The following RIMS2 variants were observed in gnomAD, a reference collection of about 807,000 sequenced individuals.
RIMS2 encodes regulating synaptic membrane exocytosis protein 2.
A neutral mutation model predicts 174.4 loss-of-function variants in RIMS2; 59 were observed. The observed-to-expected ratio is 0.34, with a 90% CI of 0.27 to 0.42. The LOEUF is 0.42. Ranked by LOEUF, RIMS2 falls within the 10% of genes least tolerant of loss-of-function variation. The probability of loss-of-function intolerance (pLI) is 1.00; values close to 1 mark genes in which losing one functional copy is unlikely to be tolerated. For missense variants in RIMS2, 1,620 were observed against 1,666.3 expected (o/e 0.97, Z 0.48); for synonymous variants, 606 against 572.5 (o/e 1.06, Z -0.84).
At chr8:104,207,908 C>T (rs2099088137) in intron 19 of RIMS2, among the ~76,000 whole-genome samples, 1 of 151,126 alleles carries the variant, frequency 6.6e-6, no homozygotes, top group South Asian at 2.1e-4. Context: ...GACACAGGTT[C>T]TTCATGGATG....
At chr8:103,743,121 T>C (rs1458352505) in intron 2 of RIMS2, among the ~76,000 whole-genome samples, 1 of 152,202 alleles carries the variant, frequency 6.6e-6, no homozygotes, top group East Asian at 1.9e-4. Context: ...GCATCACTAA[T>C]GTTCTCTGGA....
chr8:103,792,637 GT>G (rs57893772), intron 3 of RIMS2, among the ~76,000 whole-genome samples: 31,114 of 137,386 alleles, frequency 0.23, 3,643 homozygotes, highest in Non-Finnish European at 0.25. Context: ...CCAGGAGCTG[GT>G]TTTTTTTTTT....
chr8:103,924,348 T>A (rs1381367012), intron 10 of RIMS2, among the ~76,000 whole-genome samples: 2 of 151,676 alleles, frequency 1.3e-5, no homozygotes, highest in African/African-American at 2.4e-5. Context: ...ATTTATGAAT[T>A]TTATTCTTAT....
At chr8:103,678,788 A>G (rs2096845006) in intron 1 of RIMS2, among the ~76,000 whole-genome samples, 1 of 152,158 alleles carries the variant, frequency 6.6e-6, no homozygotes, top group Non-Finnish European at 1.5e-5. Context: ...AGTCAATTCA[A>G]TTGAAATACC....
At chr8:103,539,738 G>A (rs1226246498) in intron 1 of RIMS2, among the ~76,000 whole-genome samples, 1 of 152,080 alleles carries the variant, frequency 6.6e-6, no homozygotes, top group Non-Finnish European at 1.5e-5. Flanking sequence ...AGTTGCTTCA[G>A]AAAAGGAAAT....
In RIMS2 at chr8:103,592,995, T is replaced by A. The variant is rs376296276; in HGVS notation, c.176+91933T>A. 4.2e-3 allele frequency among the ~76,000 whole-genome samples: 641 copies of A among 151,442 alleles called. 4 individuals are homozygous for A. The highest frequency in any genetic ancestry group is 0.015 in the African/African-American group (612 of 41,480). ...GAGCCAAAGTAGTTGCTTTTTTTCATGGGACTCAATTTTTATTTGAAAGAA... is the reference window on the plus strand; with the variant it reads ...GAGCCAAAGTAGTTGCTTTTTTTCAAGGGACTCAATTTTTATTTGAAAGAA... On this transcript the variant is annotated intron_variant, in intron 1 of 23. Transcript: ENST00000504942.
At position 103,754,622 on chromosome 8, in the gene RIMS2, G is replaced by GTA. The variant is rs530344104; in HGVS notation, c.388-11595_388-11594dup. ...ATGAATCTGGGTGATCCTGTATTGAGTATATATATATTTAGGATAGTTAGC... is the reference window on the plus strand; with the variant it reads ...ATGAATCTGGGTGATCCTGTATTGAGTATATATATATATTTAGGATAGTTAGC... On this transcript the variant is annotated intron_variant, in intron 2 of 23. Coordinates refer to ENST00000504942, the Ensembl canonical transcript of RIMS2. 1.8e-3 allele frequency among the ~76,000 whole-genome samples: 270 copies of GTA among 152,206 alleles called. 1 individual carries two copies. The highest frequency in any genetic ancestry group is 6.1e-3 in the African/African-American group (252 of 41,530).
intron 1 of RIMS2, among the ~76,000 whole-genome samples, chr8:103,558,081 G>C (rs2090845760): frequency 6.6e-6 from 1 of 151,648 alleles, no homozygotes; most frequent in Non-Finnish European, 1.5e-5. Flanking sequence ...TTTTTAACAA[G>C]TCAGCAAACT....
At chr8:104,138,893 A>T (rs1053101270) in intron 19 of RIMS2, among the ~76,000 whole-genome samples, 2 of 152,138 alleles carry the variant, frequency 1.3e-5, no homozygotes, top group African/African-American at 2.4e-5. Flanking sequence ...TAGTTTCATA[A>T]TTTGAGGTCT....
chr8:103,624,735 TATTA>T (rs1281036417), intron 1 of RIMS2, among the ~76,000 whole-genome samples: 3 of 152,216 alleles, frequency 2.0e-5, no homozygotes, highest in Non-Finnish European at 4.4e-5. Flanking sequence ...TATTTACAAA[TATTA>T]ATTCATTTAA....
intron 19 of RIMS2, among the ~76,000 whole-genome samples, chr8:104,057,333 G>T (rs1471532766): frequency 6.6e-6 from 1 of 151,898 alleles, no homozygotes; most frequent in Non-Finnish European, 1.5e-5. Flanking sequence ...CTCTCAAAGT[G>T]CTGTGATTAC....
At chr8:104,195,909 G>A (rs1054115286) in intron 19 of RIMS2, among the ~76,000 whole-genome samples, 6 of 151,964 alleles carry the variant, frequency 3.9e-5, no homozygotes, top group Non-Finnish European at 8.8e-5. Flanking sequence ...TTTAATATAA[G>A]TTTTATATAA....
At chr8:103,568,957 CT>C in intron 1 of RIMS2, 1 of 692,764 alleles carries the variant, frequency 1.4e-6, no homozygotes. Context: ...TTCATGGTGT[CT>C]TACAGCTGCA....
chr8:103,548,096 G>T (rs796325751), intron 1 of RIMS2, among the ~76,000 whole-genome samples: 23 of 152,196 alleles, frequency 1.5e-4, no homozygotes, highest in African/African-American at 5.1e-4. Context: ...AGAAGATCTG[G>T]TACAATTTCT....
chr8:103,703,918 T>G (rs1168845382), intron 2 of RIMS2, among the ~76,000 whole-genome samples: 2 of 152,038 alleles, frequency 1.3e-5, no homozygotes, highest in African/African-American at 4.8e-5. Context: ...CATAAGACTG[T>G]GTTATCTGTG....
At chr8:104,078,241 C>T (rs1028586112) in intron 19 of RIMS2, among the ~76,000 whole-genome samples, 3 of 150,378 alleles carry the variant, frequency 2.0e-5, no homozygotes, top group African/African-American at 4.9e-5. Flanking sequence ...GATTAATCTT[C>T]GATTTTAAAA....
chr8:103,777,913 G>T (rs146035277), intron 3 of RIMS2, among the ~76,000 whole-genome samples: 1 of 151,794 alleles, frequency 6.6e-6, no homozygotes, highest in East Asian at 1.9e-4. Context: ...TATAAACTGG[G>T]TACAAAATTG....
intron 19 of RIMS2, among the ~76,000 whole-genome samples, chr8:104,082,963 A>G (rs1163271432): frequency 1.3e-5 from 2 of 152,136 alleles, no homozygotes; most frequent in Non-Finnish European, 2.9e-5. Flanking sequence ...AAAGAGTCCC[A>G]TTAGGAGGCT....
At chr8:104,177,169 G>A (rs899442271) in intron 19 of RIMS2, among the ~76,000 whole-genome samples, 4 of 152,084 alleles carry the variant, frequency 2.6e-5, no homozygotes, top group African/African-American at 9.7e-5. Flanking sequence ...TGTGAAATAA[G>A]ACAGGTAGTA....
Sources: gnomAD v4.1 joint callset for allele counts (sites outside exome capture counted in the v4.1 genomes callset) on GRCh38, gnomAD v4.1.1 for gene constraint, MANE v1.5 for transcripts, NCBI Gene and HGNC (gene_info 2026-07-23, HGNC 2026-07-21) for gene names.